The following TAF1 variants were observed in gnomAD, a reference collection of about 807,000 sequenced individuals.
TAF1 encodes the protein transcription initiation factor TFIID subunit 1.
Under a neutral mutation model 138.5 loss-of-function variants are expected in TAF1, and 2 were observed. The observed-to-expected ratio is 0.01, with a 90% CI of 0.01 to 0.05. The LOEUF is 0.05. Ranked by LOEUF, TAF1 falls within the 10% of genes least tolerant of loss-of-function variation. The pLI is 1.00. For missense variants in TAF1, 709 were observed against 1,478.0 expected (o/e 0.48, Z 8.53); for synonymous variants, 437 against 503.2 (o/e 0.87, Z 1.76).
At chrX:71,462,845 A>G (rs2038609832) in intron 37 of TAF1, among the ~76,000 whole-genome samples, 1 of 111,765 alleles carries the variant, frequency 8.9e-6, no homozygotes, top group Admixed American at 9.5e-5. Flanking sequence ...AAAAATCCAC[A>G]TCTAGGAAAT....
chrX:71,508,193 G>T (rs1419271925), intron 13 of TAF1, among the ~76,000 whole-genome samples: 3 of 106,370 alleles, frequency 2.8e-5, no homozygotes, highest in Admixed American at 1.0e-4. Context: ...CAATTATAGT[G>T]CTTTGTGGTA....
At chrX:71,366,515 GTAGGGCTCGGGGGGT>G in intron 1 of TAF1, 21 bp downstream of exon 1, 7 of 418,740 alleles carry the variant, frequency 1.7e-5, no homozygotes, top group Admixed American at 8.5e-5. Context: ...GGGCGTGGGG[GTAGGGCTCGGGGGGT>G]GGGGCTAAGC....
At chrX:71,449,632 A>C (rs1470314280) in intron 32 of TAF1, among the ~76,000 whole-genome samples, 1 of 112,445 alleles carries the variant, frequency 8.9e-6, no homozygotes, top group Non-Finnish European at 1.9e-5. Flanking sequence ...TGAATTCCTA[A>C]TTTATAGGCT....
At chrX:71,514,052 C>T (rs1489191979) in intron 13 of TAF1, among the ~76,000 whole-genome samples, 1 of 111,764 alleles carries the variant, frequency 8.9e-6, no homozygotes, top group Non-Finnish European at 1.9e-5. Context: ...ATCTTTTGCT[C>T]TTCACAATAC....
intron 13 of TAF1, among the ~76,000 whole-genome samples, chrX:71,477,867 A>G (rs1201303523): frequency 9.2e-6 from 1 of 109,271 alleles, no homozygotes; most frequent in Non-Finnish European, 1.9e-5. Flanking sequence ...GGTAGCACAT[A>G]CATGTAATCC....
intron 13 of TAF1, among the ~76,000 whole-genome samples, chrX:71,471,464 T>A (rs1246054277): frequency 4.2e-5 from 4 of 96,113 alleles, no homozygotes; most frequent in African/African-American, 1.7e-4. Flanking sequence ...ATGGTCACTT[T>A]TTTTTTTTTT....
intron 3 of TAF1, among the ~76,000 whole-genome samples, chrX:71,374,477 A>G (rs2033327275): frequency 9.0e-6 from 1 of 111,438 alleles, no homozygotes. Flanking sequence ...AGATATGTAA[A>G]ATATTTTGAG....
intron 32 of TAF1, among the ~76,000 whole-genome samples, chrX:71,444,749 T>C (rs2037604285): frequency 1.8e-5 from 2 of 108,977 alleles, no homozygotes; most frequent in Admixed American, 9.8e-5. Flanking sequence ...CTCTCTCTCT[T>C]TTTTTTTCTT....
chrX:71,467,499 C>G (rs1015164028), downstream of TAF1, among the ~76,000 whole-genome samples: 1 of 111,925 alleles, frequency 8.9e-6, no homozygotes, highest in Non-Finnish European at 1.9e-5. Flanking sequence ...ATGCCATTCA[C>G]TTTTATCATC....
chrX:71,370,771 G>A (rs1194014082), intron 3 of TAF1, among the ~76,000 whole-genome samples: 4 of 111,658 alleles, frequency 3.6e-5, no homozygotes, highest in Admixed American at 9.6e-5. Context: ...TAGTTTTTTC[G>A]GGACAGCTTA....
At chrX:71,431,325 A>C (rs1192232156) in intron 32 of TAF1, among the ~76,000 whole-genome samples, 1 of 110,194 alleles carries the variant, frequency 9.1e-6, no homozygotes, top group Non-Finnish European at 1.9e-5. Context: ...GGCTTCTCAA[A>C]GTGCTGGGAT....
At chrX:71,458,417 G>A (rs372776780) in intron 35 of TAF1, 51 bp downstream of exon 35, 1 of 1,182,161 alleles carries the variant, frequency 8.5e-7, no homozygotes. Flanking sequence ...CTGCAAGTGG[G>A]GCTAGGGGAA....
chrX:71,387,349 A>G lies in TAF1; in HGVS notation c.2315A>G (p.Tyr772Cys). ...DFLIIRTRQG[Y>C]YIRELVDIFV... ...TTGATCATTCGGACAAGACAGGGTT[A>G]CTATATTCGGGAATTAGTGGATATT... is the stretch of plus-strand genomic sequence containing the variant. The change falls in exon 15 of 38, where the codon TAC becomes TGC. Residue 772 changes from tyrosine to cysteine, a missense_variant. Tyr to Cys is a radical substitution (Grantham distance 194, BLOSUM62 -2). Around this residue, in one of 14 missense-constraint regions of TAF1, gnomAD observed 201 missense variants for 421.3 expected, o/e 0.48. Coordinates refer to ENST00000423759, the MANE Select transcript of TAF1 (RefSeq NM_004606.5). 2.5e-6 allele frequency: 3 copies of G among 1,212,174 alleles called. No homozygotes were observed. The highest frequency in any genetic ancestry group is 3.3e-6 in the Non-Finnish European group (3 of 895,627).
chrX:71,433,635 G>A (rs753519205), intron 32 of TAF1, among the ~76,000 whole-genome samples: 4 of 111,069 alleles, frequency 3.6e-5, no homozygotes, highest in African/African-American at 6.6e-5. Flanking sequence ...AAATTTTTAC[G>A]TATTTGCAAA....
intron 13 of TAF1, among the ~76,000 whole-genome samples, chrX:71,510,903 A>C (rs768621102): frequency 2.7e-5 from 3 of 111,394 alleles, no homozygotes; most frequent in Non-Finnish European, 5.7e-5. Context: ...CAGGAGTTGA[A>C]GACCAGCCTG....
chrX:71,455,854 A>G (rs180852033), intron 34 of TAF1, among the ~76,000 whole-genome samples: 2 of 111,971 alleles, frequency 1.8e-5, no homozygotes, highest in African/African-American at 6.5e-5. Flanking sequence ...AATGCAACCT[A>G]TGTGACCTCT....
At chrX:71,388,583 G>A (rs2034377690) in intron 16 of TAF1, 155 bp from the exon 17 acceptor site, 1 of 924,325 alleles carries the variant, frequency 1.1e-6, no homozygotes, top group African/African-American at 2.0e-5. Flanking sequence ...TCTATGAGTT[G>A]TAGGAAACTT....
intron 28 of TAF1, among the ~76,000 whole-genome samples, chrX:71,417,019 CA>C (rs1277682886): frequency 0.032 from 1,824 of 57,595 alleles, 38 homozygotes; most frequent in African/African-American, 0.091. Context: ...GACCCTGTCT[CA>C]AAAAAAAAAA....
At chrX:71,441,602 A>G (rs2037426240) in intron 32 of TAF1, 1 of 270,002 alleles carries the variant, frequency 3.7e-6, no homozygotes, top group Non-Finnish European at 6.8e-6. Context: ...GAAACTATAT[A>G]TTGTATTATT....
Sources: gnomAD v4.1 joint callset for allele counts (sites outside exome capture counted in the v4.1 genomes callset) on GRCh38, gnomAD v4.1.1 for gene constraint, gnomAD v4.1.1 regional missense constraint, MANE v1.5 for transcripts, NCBI Gene and HGNC (gene_info 2026-07-23, HGNC 2026-07-21) for gene names.